WDR41: variants seen among roughly 807,000 people sequenced by gnomAD.
WDR41 encodes WD repeat-containing protein 41.
In WDR41, 63 loss-of-function variants were observed where a neutral mutation model predicts 69.3. The observed-to-expected ratio is 0.91, with a 90% CI of 0.74 to 1.12. WDR41 has a LOEUF of 1.12. WDR41 is among the 50% of genes most tolerant of loss of function. The pLI is 0.00. For missense variants in WDR41, 543 were observed against 534.5 expected (o/e 1.02, Z -0.16); for synonymous variants, 185 against 192.1 (o/e 0.96, Z 0.31).
chr5:77,541,487 C>CT (rs11335010), intron 1 of WDR41, among the ~76,000 whole-genome samples: 3,548 of 97,790 alleles, frequency 0.036, 143 homozygotes, highest in African/African-American at 0.087. Flanking sequence ...AAAAGGAATT[C>CT]TTTTTTTTTT....
At chr5:77,443,865 C>T (rs6881217) in intron 8 of WDR41, among the ~76,000 whole-genome samples, 2,327 of 145,914 alleles carry the variant, frequency 0.016, 65 homozygotes, top group African/African-American at 0.053. Context: ...CGGCATTCAG[C>T]TCAATCAGCA....
chr5:77,569,160 A>G (rs2112270640), intron 1 of WDR41, among the ~76,000 whole-genome samples: 1 of 152,314 alleles, frequency 6.6e-6, no homozygotes, highest in Middle Eastern at 3.4e-3. Flanking sequence ...TTCCTACAAT[A>G]CTGCAACATT....
In WDR41 at chr5:77,596,877, G is replaced by C. The variant is rs532089935; in HGVS notation, c.42+23602C>G. Among the ~76,000 whole-genome samples, 3 of 152,222 alleles carry C rather than the reference G, an allele frequency of 2.0e-5. No homozygotes were observed. In the South Asian group the frequency reaches 6.2e-4, roughly 32 times the overall value. ...TGCTTGTAATCCTAGCACTTTGGGAGGGAGGTTAAGGGGGTGGATTGCTTG... is the reference window on the plus strand; with the variant it reads ...TGCTTGTAATCCTAGCACTTTGGGACGGAGGTTAAGGGGGTGGATTGCTTG... On this transcript the variant is annotated intron_variant, in intron 1 of 5. Transcript: ENST00000509971.
intron 1 of WDR41, among the ~76,000 whole-genome samples, chr5:77,566,433 G>A (rs543269640): frequency 2.0e-5 from 3 of 152,084 alleles, no homozygotes; most frequent in Admixed American, 1.3e-4. Context: ...TTGTTGCAGC[G>A]ATGAGTACCT....
intron 1 of WDR41, among the ~76,000 whole-genome samples, chr5:77,538,927 A>C (rs1262771366): frequency 6.6e-6 from 1 of 152,210 alleles, no homozygotes; most frequent in Non-Finnish European, 1.5e-5. Flanking sequence ...CTACTATAAC[A>C]AATACCATAG....
intron 2 of WDR41, among the ~76,000 whole-genome samples, chr5:77,478,623 C>A (rs1258267871): frequency 1.3e-5 from 2 of 152,130 alleles, no homozygotes; most frequent in African/African-American, 4.8e-5. Context: ...CAAAATTCAA[C>A]AACACTTCAT....
chr5:77,511,741 G>A (rs1242226985), intron 1 of WDR41, among the ~76,000 whole-genome samples: 1 of 152,026 alleles, frequency 6.6e-6, no homozygotes, highest in Non-Finnish European at 1.5e-5. Flanking sequence ...AAGAATAGAT[G>A]AGCTTAATTG....
At chr5:77,552,278 C>T (rs891448479) in intron 1 of WDR41, among the ~76,000 whole-genome samples, 2 of 151,896 alleles carry the variant, frequency 1.3e-5, no homozygotes, top group African/African-American at 4.8e-5. Context: ...ATTAAAAACA[C>T]AGGGCAATTT....
rs150343045 is a variant in WDR41 at position 77,608,576 on chromosome 5, G to C, written c.42+11903C>G. ...AAAAGCCACATGTAGTCATTAGATA[G>C]TGCATATACAGAACATTTCCATCAC... On this transcript the variant is annotated intron_variant, in intron 1 of 5. Coordinates refer to the WDR41 transcript ENST00000509971. 7.2e-5 allele frequency among the ~76,000 whole-genome samples: 11 copies of C among 152,330 alleles called. No homozygotes were observed. In the South Asian group the frequency reaches 2.3e-3, roughly 32 times the overall value.
chr5:77,585,795 T>C (rs888189291), intron 1 of WDR41, among the ~76,000 whole-genome samples: 1 of 152,078 alleles, frequency 6.6e-6, no homozygotes, highest in Non-Finnish European at 1.5e-5. Flanking sequence ...GGCATAAGAA[T>C]GATACCATGG....
chr5:77,584,183 TGAA>T (rs1470033495), intron 1 of WDR41, among the ~76,000 whole-genome samples: 1 of 152,042 alleles, frequency 6.6e-6, no homozygotes, highest in East Asian at 1.9e-4. Flanking sequence ...AGGAACAAAA[TGAA>T]GAGATCCACT....
intron 2 of WDR41, among the ~76,000 whole-genome samples, chr5:77,478,971 A>T (rs987692494): frequency 2.0e-5 from 3 of 151,798 alleles, no homozygotes; most frequent in African/African-American, 7.3e-5. Context: ...AAGCAACTTC[A>T]GCAAAGTCTC....
At chr5:77,502,040 G>A (rs1242785770) in intron 1 of WDR41, among the ~76,000 whole-genome samples, 1 of 152,140 alleles carries the variant, frequency 6.6e-6, no homozygotes, top group African/African-American at 2.4e-5. Context: ...GACAGAAATA[G>A]GCTTCAGAAA....
In WDR41 at chr5:77,433,031, A is replaced by AAAAAAAATTACCAATTT; in HGVS notation, c.*87_*103dup. 7.9e-7 allele frequency: 1 copy of AAAAAAAATTACCAATTT among 1,259,126 alleles called. No homozygotes were observed. Among genetic ancestry groups the AAAAAAAATTACCAATTT allele is most frequent in the Non-Finnish European group, 1.1e-6 (1 of 942,316 alleles). 78.0% of individuals were successfully genotyped at this position (1,259,126 alleles called of 1,614,324 possible). On this transcript the variant is annotated 3_prime_UTR_variant, in exon 13 of 13. Coordinates refer to ENST00000296679, the MANE Select transcript of WDR41 (RefSeq NM_018268.4). ...AACATGTAGAATTTTATGGACTGAC[A>AAAAAAAATTACCAATTT]AAAAAAATTACCAATTTAAGTGATC... is the stretch of plus-strand genomic sequence containing the variant.
chr5:77,496,360 A>C, upstream of WDR41, among the ~76,000 whole-genome samples: 1 of 152,068 alleles, frequency 6.6e-6, no homozygotes, highest in East Asian at 1.9e-4. Flanking sequence ...TATATATAGA[A>C]AATCCTGAAG....
intron 1 of WDR41, among the ~76,000 whole-genome samples, chr5:77,515,816 AC>A (rs1343451684): frequency 2.6e-5 from 4 of 152,216 alleles, no homozygotes; most frequent in Admixed American, 1.3e-4. Context: ...GTATGCCAAC[AC>A]ATAAATTTTT....
intron 2 of WDR41, among the ~76,000 whole-genome samples, chr5:77,466,365 T>C (rs1317885530): frequency 6.6e-6 from 1 of 151,878 alleles, no homozygotes; most frequent in Non-Finnish European, 1.5e-5. Flanking sequence ...CTTTAGCAGC[T>C]TATGTTTCTG....
intron 1 of WDR41, among the ~76,000 whole-genome samples, chr5:77,571,544 A>G (rs1486064162): frequency 6.6e-6 from 1 of 152,128 alleles, no homozygotes; most frequent in Non-Finnish European, 1.5e-5. Flanking sequence ...AGCTAGCCTC[A>G]AGCATAACAC....
At chr5:77,470,944 A>C (rs1399979366) in intron 2 of WDR41, among the ~76,000 whole-genome samples, 2 of 152,042 alleles carry the variant, frequency 1.3e-5, no homozygotes, top group African/African-American at 4.8e-5. Flanking sequence ...CATCTACAGA[A>C]CTCTCCACCC....
Sources: gnomAD v4.1 joint callset for allele counts (sites outside exome capture counted in the v4.1 genomes callset) on GRCh38, gnomAD v4.1.1 for gene constraint, MANE v1.5 for transcripts, NCBI Gene and HGNC (gene_info 2026-07-23, HGNC 2026-07-21) for gene names.